Variants in ZNF385B observed in about 807,000 individuals in gnomAD.
The protein encoded by ZNF385B is zinc finger protein 385B, also known as zinc finger protein 533.
ZNF385B carries 23 observed loss-of-function variants against 39.2 expected under a neutral mutation model. The observed-to-expected ratio is 0.59, with a 90% CI of 0.42 to 0.83. The LOEUF is 0.83. ZNF385B is among the 40% of genes least tolerant of loss of function. ZNF385B has a pLI of 0.00. For synonymous variants in ZNF385B, 205 were observed against 222.6 expected, an observed-to-expected ratio of 0.92 and a Z score of 0.70; for missense variants, 552 against 598.9, an observed-to-expected ratio of 0.92 and a Z score of 0.82.
At chr2:179,817,866 T>C (rs919045491) in intron 1 of ZNF385B, among the ~76,000 whole-genome samples, 1 of 152,180 alleles carries the variant, frequency 6.6e-6, no homozygotes, top group African/African-American at 2.4e-5. Flanking sequence ...AGAAAGTTCA[T>C]GCGCATACGC....
intron 3 of ZNF385B, among the ~76,000 whole-genome samples, chr2:179,727,141 G>C (rs1701074330): frequency 6.6e-6 from 1 of 152,030 alleles, no homozygotes; most frequent in African/African-American, 2.4e-5. Flanking sequence ...GATCTCAGCT[G>C]CCTTTAAAGA....
chr2:179,464,242 A>G (rs1486779952), intron 6 of ZNF385B, among the ~76,000 whole-genome samples: 2 of 152,132 alleles, frequency 1.3e-5, no homozygotes, highest in Admixed American at 6.6e-5. Context: ...TAGATTCTGG[A>G]TATTAGCCCT....
intron 5 of ZNF385B, among the ~76,000 whole-genome samples, chr2:179,505,749 A>G (rs573816117): frequency 2.0e-5 from 3 of 152,258 alleles, no homozygotes; most frequent in Admixed American, 1.3e-4. Flanking sequence ...AACAAATGTC[A>G]CTGGTATACG....
At chr2:179,694,419 C>T (rs929047429) in intron 3 of ZNF385B, among the ~76,000 whole-genome samples, 45 of 149,350 alleles carry the variant, frequency 3.0e-4, no homozygotes, top group African/African-American at 1.1e-3. Context: ...GTCACTAATT[C>T]CAGCAAATTA....
intron 3 of ZNF385B, among the ~76,000 whole-genome samples, chr2:179,695,191 T>C (rs1698646431): frequency 6.6e-6 from 1 of 152,204 alleles, no homozygotes; most frequent in Non-Finnish European, 1.5e-5. Flanking sequence ...GATATCATCA[T>C]AGATCAGGGA....
At chr2:179,857,320 A>G (rs551333691) in intron 1 of ZNF385B, among the ~76,000 whole-genome samples, 1 of 152,322 alleles carries the variant, frequency 6.6e-6, no homozygotes, top group South Asian at 2.1e-4. Flanking sequence ...AGGTTGGTGC[A>G]GTGCCCTTAG....
chr2:179,694,766 C>T (rs899139095), intron 3 of ZNF385B, among the ~76,000 whole-genome samples: 13 of 152,042 alleles, frequency 8.6e-5, no homozygotes, highest in African/African-American at 2.9e-4. Context: ...CCCATCTCTA[C>T]TAAAAAATAC....
chr2:179,456,964 T>C (rs1464427689), intron 6 of ZNF385B, among the ~76,000 whole-genome samples: 1 of 152,208 alleles, frequency 6.6e-6, no homozygotes, highest in East Asian at 1.9e-4. Context: ...TACATTTTAA[T>C]GTATGTATAC....
intron 3 of ZNF385B, among the ~76,000 whole-genome samples, chr2:179,616,706 C>T (rs1410317074): frequency 6.6e-6 from 1 of 152,074 alleles, no homozygotes; most frequent in African/African-American, 2.4e-5. Context: ...ACCACAGTTG[C>T]ATGCTGCCAG....
chr2:179,852,199 T>C (rs1258987046), intron 1 of ZNF385B, among the ~76,000 whole-genome samples: 1 of 152,104 alleles, frequency 6.6e-6, no homozygotes, highest in Non-Finnish European at 1.5e-5. Context: ...GAAGGGACCA[T>C]AGAGAAAGAA....
chr2:179,572,930 T>G (rs1685398337), intron 3 of ZNF385B, among the ~76,000 whole-genome samples: 1 of 152,232 alleles, frequency 6.6e-6, no homozygotes, highest in African/African-American at 2.4e-5. Flanking sequence ...ATAATTCCTC[T>G]GTCAAAGATA....
intron 3 of ZNF385B, among the ~76,000 whole-genome samples, chr2:179,690,196 T>A (rs1015194479): frequency 4.6e-5 from 7 of 152,126 alleles, no homozygotes; most frequent in African/African-American, 1.7e-4. Flanking sequence ...TGTGTCGCCT[T>A]CCTAGAGATG....
intron 5 of ZNF385B, among the ~76,000 whole-genome samples, chr2:179,499,184 C>T (rs62177234): frequency 0.061 from 9,322 of 151,808 alleles, 385 homozygotes; most frequent in South Asian, 0.13. Context: ...CAAAAAGCTC[C>T]CCAGTAAAGA....
intron 3 of ZNF385B, among the ~76,000 whole-genome samples, chr2:179,560,126 T>C (rs1181711498): frequency 6.6e-6 from 1 of 152,192 alleles, no homozygotes; most frequent in East Asian, 1.9e-4. Flanking sequence ...ATATTCTTTA[T>C]ATGGAATTTC....
chr2:179,770,145 G>T (rs1262935462), intron 2 of ZNF385B, among the ~76,000 whole-genome samples: 1 of 151,950 alleles, frequency 6.6e-6, no homozygotes, highest in African/African-American at 2.4e-5. Context: ...AACCCTTTCT[G>T]ACCCTGGACA....
At chr2:179,647,629 G>T (rs1412032277) in intron 3 of ZNF385B, among the ~76,000 whole-genome samples, 1 of 152,114 alleles carries the variant, frequency 6.6e-6, no homozygotes, top group African/African-American at 2.4e-5. Flanking sequence ...CCAGGGATAG[G>T]GGAAACCAGG....
At chr2:179,792,312 TAC>T (rs1705378391) in intron 1 of ZNF385B, among the ~76,000 whole-genome samples, 1 of 152,032 alleles carries the variant, frequency 6.6e-6, no homozygotes, top group African/African-American at 2.4e-5. Context: ...GAGTGATTGA[TAC>T]CACTTTAATA....
chr2:179,605,298 T>C (rs931032340), intron 3 of ZNF385B, among the ~76,000 whole-genome samples: 4 of 152,184 alleles, frequency 2.6e-5, no homozygotes, highest in Admixed American at 6.5e-5. Flanking sequence ...GACACACTGC[T>C]TCCTGTGCTA....
chr2:179,732,335 T>C (rs138899898), intron 3 of ZNF385B, among the ~76,000 whole-genome samples: 80 of 152,314 alleles, frequency 5.3e-4, no homozygotes, highest in Non-Finnish European at 8.2e-4. Flanking sequence ...CCCTTAATCC[T>C]GTGTAGGAAA....
Sources: gnomAD v4.1 joint callset for allele counts (sites outside exome capture counted in the v4.1 genomes callset) on GRCh38, gnomAD v4.1.1 for gene constraint, MANE v1.5 for transcripts, NCBI Gene and HGNC (gene_info 2026-07-23, HGNC 2026-07-21) for gene names.